GANC: variants seen among roughly 807,000 people sequenced by gnomAD.
GANC encodes the protein glucosidase alpha, neutral C.
Under a neutral mutation model 124.2 loss-of-function variants are expected in GANC, and 117 were observed. That is an observed-to-expected ratio of 0.94 (90% CI 0.81 to 1.10). The LOEUF (loss-of-function observed/expected upper bound fraction) is 1.10. Ranked by LOEUF, GANC falls within the 50% of genes least tolerant of loss-of-function variation. GANC has a pLI of 0.00. For synonymous variants in GANC, 377 were observed against 376.8 expected (o/e 1.00, Z -0.01); for missense variants, 1,140 against 1,095.0 (o/e 1.04, Z -0.58).
chr15:42,276,188 A>G (rs1381291061), intron 1 of GANC, 160 bp from the exon 2 acceptor site: 5 of 523,538 alleles, frequency 9.6e-6, no homozygotes, highest in African/African-American at 6.0e-5. Context: ...CTGCAACATA[A>G]TGTGCTATTA....
Position 42,352,591 on chromosome 15 carries a change from A to C in GANC, c.*452A>C. On this transcript the variant is annotated 3_prime_UTR_variant, in exon 24 of 24. Transcript: ENST00000318010. ...GACAGCAGCCTCTGGTACTCCCCCC[A>C]GTTATCTTCCACCCACATGGACTGG... The C allele has an allele frequency of 9.9e-7, 1 of 1,009,216 alleles. No individual in the cohort carries two copies. 62.5% of individuals were successfully genotyped at this position (1,009,216 alleles called of 1,614,324 possible). A position where few individuals can be genotyped will look rare whatever the true frequency, so the allele number is the denominator to read the frequency against.
rs1258585537 is a variant in GANC at position 42,274,156 on chromosome 15, T to G, written c.-326T>G. On this transcript the variant is annotated 5_prime_UTR_variant, in exon 1 of 24. Coordinates refer to ENST00000318010, the MANE Select transcript of GANC (RefSeq NM_198141.3). ...TTCCAGGTTCTTAACGCTCTTGATT[T>G]TTACCCTCTAGGACTCATTGCGTAC... 3.4e-6 allele frequency: 1 copy of G among 294,118 alleles called. No homozygotes were observed. The highest frequency in any genetic ancestry group is 6.4e-6 in the Non-Finnish European group (1 of 157,028). 18.2% of individuals were successfully genotyped at this position (294,118 alleles called of 1,614,324 possible). A position where few individuals can be genotyped will look rare whatever the true frequency, so the allele number is the denominator to read the frequency against.
intron 6 of GANC, among the ~76,000 whole-genome samples, chr15:42,301,018 CA>C (rs113404849): frequency 1.7e-4 from 24 of 140,070 alleles, no homozygotes; most frequent in African/African-American, 2.4e-4. Context: ...AACTCCATCT[CA>C]AAAAAAAAAA....
Position 42,353,298 on chromosome 15 carries a change from T to C in GANC, c.*1159T>C, listed in dbSNP as rs2052474877. 1 of 986,202 alleles carries C rather than the reference T, an allele frequency of 1.0e-6. No individual in the cohort carries two copies. The highest frequency in any genetic ancestry group is 1.2e-6 in the Non-Finnish European group (1 of 830,162). 61.1% of individuals were successfully genotyped at this position (986,202 alleles called of 1,614,324 possible). ...ACTTAGCAACTTGCTAACGGCCACC[T>C]CTGTGCCTTCTGATCCCTGGGCGCC... On this transcript the variant is annotated 3_prime_UTR_variant, in exon 24 of 24. Coordinates refer to ENST00000318010, the MANE Select transcript of GANC (RefSeq NM_198141.3).
intron 6 of GANC, among the ~76,000 whole-genome samples, chr15:42,301,155 G>T (rs1233493623): frequency 6.6e-6 from 1 of 152,190 alleles, no homozygotes; most frequent in Admixed American, 6.5e-5. Flanking sequence ...TCCAACTGAA[G>T]TGCCCTGACT....
At chr15:42,282,714 C>T (rs891625753) in intron 3 of GANC, among the ~76,000 whole-genome samples, 13 of 152,144 alleles carry the variant, frequency 8.5e-5, no homozygotes, top group Non-Finnish European at 1.8e-4. Flanking sequence ...AATAAACAAC[C>T]AGGAAGCAGA....
intron 23 of GANC, among the ~76,000 whole-genome samples, chr15:42,351,794 T>C (rs1485218491): frequency 6.6e-6 from 1 of 152,220 alleles, no homozygotes; most frequent in African/African-American, 2.4e-5. Context: ...TTCCTGAAGT[T>C]CTTGGACAAA....
rs535981272 is a variant in GANC, at chr15:42,334,766, T to A, written c.1742-3623T>A. Among the ~76,000 whole-genome samples, 596 of 111,752 alleles carry A rather than the reference T, an allele frequency of 5.3e-3. 6 individuals are homozygous for A. The highest frequency in any genetic ancestry group is 0.016 in the African/African-American group (530 of 32,586). The allele number at this position is 111,752 out of a possible 152,430, so 73.3% of individuals were successfully genotyped here. A position where few individuals can be genotyped will look rare whatever the true frequency, so the allele number is the denominator to read the frequency against. ...AAGAGTTGGTTTTCTGAAAAAAAAA[T>A]AATAATAACAAAATAGATAGACTGC... On this transcript the variant is annotated intron_variant, in intron 15 of 23. Coordinates refer to ENST00000318010, the MANE Select transcript of GANC (RefSeq NM_198141.3).
chr15:42,347,572 A>G (rs1033190944), intron 20 of GANC, among the ~76,000 whole-genome samples: 3 of 152,280 alleles, frequency 2.0e-5, no homozygotes, highest in Admixed American at 6.5e-5. Context: ...CAGGTAATCC[A>G]TGTAATCCAA....
intron 23 of GANC, 48 bp downstream of exon 23, chr15:42,351,480 A>T: frequency 7.6e-7 from 1 of 1,317,884 alleles, no homozygotes; most frequent in Non-Finnish European, 1.1e-6. Flanking sequence ...TTATAAACAG[A>T]AGTATCTGCA....
At chr15:42,303,568 A>T (rs1026175927) in intron 6 of GANC, among the ~76,000 whole-genome samples, 1 of 152,060 alleles carries the variant, frequency 6.6e-6, no homozygotes, top group African/African-American at 2.4e-5. Flanking sequence ...GGCAAATTGG[A>T]TAAAGAGTCA....
chr15:42,340,421 A>G (rs912637628), intron 17 of GANC, among the ~76,000 whole-genome samples: 4 of 152,068 alleles, frequency 2.6e-5, no homozygotes, highest in Non-Finnish European at 4.4e-5. Context: ...AGCCTGACCA[A>G]TATGATGAAA....
At chr15:42,348,905 C>G (rs1566962850) in intron 21 of GANC, among the ~76,000 whole-genome samples, 1 of 151,664 alleles carries the variant, frequency 6.6e-6, no homozygotes, top group Non-Finnish European at 1.5e-5. Flanking sequence ...ATGTGAGGCC[C>G]CAGAATAAAT....
At chr15:42,278,704 A>G (rs1176564056) in intron 3 of GANC, 114 bp downstream of exon 3, 3 of 714,302 alleles carry the variant, frequency 4.2e-6, no homozygotes, top group Non-Finnish European at 6.8e-6. Flanking sequence ...GAAAAGGAAT[A>G]TCAGCCTTTT....
chr15:42,275,640 C>A (rs2051663532), intron 1 of GANC, among the ~76,000 whole-genome samples: 1 of 152,016 alleles, frequency 6.6e-6, no homozygotes. Flanking sequence ...AGTTTAAATA[C>A]ATATACTCAA....
At chr15:42,307,033 A>G (rs755085285) in intron 7 of GANC, among the ~76,000 whole-genome samples, 1 of 152,146 alleles carries the variant, frequency 6.6e-6, no homozygotes, top group Non-Finnish European at 1.5e-5. Context: ...TGGGTATCAC[A>G]TGCCCATCTG....
At chr15:42,288,822 C>T (rs1310239564) in intron 4 of GANC, among the ~76,000 whole-genome samples, 2 of 152,062 alleles carry the variant, frequency 1.3e-5, no homozygotes, top group Non-Finnish European at 2.9e-5. Flanking sequence ...CCATGCCTGC[C>T]CTAAATAAGA....
chr15:42,341,957 C>T (rs1595784745), intron 18 of GANC, among the ~76,000 whole-genome samples: 2 of 152,300 alleles, frequency 1.3e-5, no homozygotes, highest in East Asian at 3.9e-4. Flanking sequence ...TCCTGGTTTC[C>T]TTATACCTTA....
intron 10 of GANC, among the ~76,000 whole-genome samples, chr15:42,316,134 C>G (rs142468123): frequency 1.1e-3 from 161 of 152,214 alleles, no homozygotes; most frequent in African/African-American, 3.8e-3. Context: ...GAATTGAAAG[C>G]AGGGACTCAA....
Sources: gnomAD v4.1 joint callset for allele counts (sites outside exome capture counted in the v4.1 genomes callset) on GRCh38, gnomAD v4.1.1 for gene constraint, MANE v1.5 for transcripts, NCBI Gene and HGNC (gene_info 2026-07-23, HGNC 2026-07-21) for gene names.